The following THADA variants were observed in gnomAD, a reference collection of about 807,000 sequenced individuals.
The protein encoded by THADA is THADA armadillo repeat containing.
Under a neutral mutation model 219.8 loss-of-function variants are expected in THADA, and 213 were observed. The ratio of observed to expected loss-of-function variants is 0.97; its 90% CI spans 0.87 to 1.09. The LOEUF is 1.09. THADA is among the 50% of genes least tolerant of loss of function. THADA has a pLI of 0.00. For synonymous variants in THADA, 1,018 were observed against 828.9 expected, an observed-to-expected ratio of 1.23 and a Z score of -3.92; for missense variants, 2,956 against 2,311.3, an observed-to-expected ratio of 1.28 and a Z score of -5.72.
chr2:43,579,894 G>A (rs1214840912), intron 8 of THADA, among the ~76,000 whole-genome samples: 2 of 152,164 alleles, frequency 1.3e-5, no homozygotes, highest in East Asian at 3.9e-4. Context: ...CTCTGAACTT[G>A]TTATGTGGGA....
intron 1 of THADA, among the ~76,000 whole-genome samples, chr2:43,594,141 C>T (rs1559043997): frequency 6.6e-6 from 1 of 152,162 alleles, no homozygotes. Context: ...CCTAACTGGT[C>T]TCCTGACTTC....
rs1222447019 is a variant in THADA at position 43,560,465 on chromosome 2, T to C, written c.2312-80A>G. Reference sequence around the variant, plus strand: ...TTCTGAAGTTATTTGACCAAATTTATAGAAAATAAGTACCAAAAAACCACA... The same window carrying C: ...TTCTGAAGTTATTTGACCAAATTTACAGAAAATAAGTACCAAAAAACCACA... On this transcript the variant is annotated intron_variant, in intron 15 of 37. Coordinates refer to ENST00000405975, the MANE Select transcript of THADA (RefSeq NM_022065.5). 7.2e-6 allele frequency: 8 copies of C among 1,106,408 alleles called. No homozygotes were observed. The East Asian group carries it at 1.1e-4, about 16-fold the overall frequency. 68.5% of individuals were successfully genotyped at this position (1,106,408 alleles called of 1,614,324 possible). A position where few individuals can be genotyped will look rare whatever the true frequency, so the allele number is the denominator to read the frequency against.
intron 26 of THADA, among the ~76,000 whole-genome samples, chr2:43,467,344 A>G (rs997703640): frequency 6.6e-6 from 1 of 152,196 alleles, no homozygotes; most frequent in African/African-American, 2.4e-5. Flanking sequence ...TGATGTAGCA[A>G]ATAAATAACC....
chr2:43,256,766 A>G (rs928080478), intron 36 of THADA, among the ~76,000 whole-genome samples: 4 of 151,740 alleles, frequency 2.6e-5, no homozygotes, highest in African/African-American at 9.7e-5. Context: ...TTTTGTACAG[A>G]TGAAATCTCA....
intron 22 of THADA, among the ~76,000 whole-genome samples, chr2:43,516,511 T>C (rs567111282): frequency 3.3e-5 from 5 of 152,300 alleles, no homozygotes; most frequent in African/African-American, 1.2e-4. Context: ...CTCCAGGTAT[T>C]TACATCGTGG....
Position 43,383,533 on chromosome 2 carries a change from T to C in THADA, c.4227+14438A>G, listed in dbSNP as rs370465683. Among the ~76,000 whole-genome samples the C allele has an allele frequency of 3.0e-4, 46 of 152,330 alleles. No homozygotes were observed. In the East Asian group the frequency reaches 3.1e-3, roughly 10 times the overall value. Reference sequence around the variant, plus strand: ...GTTAGGTTCAGCTGGTCCAACCATCTAGCTACTAGCTGGGAGCCCCAGTAC... The same window carrying C: ...GTTAGGTTCAGCTGGTCCAACCATCCAGCTACTAGCTGGGAGCCCCAGTAC... On this transcript the variant is annotated intron_variant, in intron 29 of 37. Coordinates refer to ENST00000405975, the MANE Select transcript of THADA (RefSeq NM_022065.5).
chr2:43,347,062 C>T (rs1667703972), intron 29 of THADA, among the ~76,000 whole-genome samples: 1 of 152,140 alleles, frequency 6.6e-6, no homozygotes, highest in Non-Finnish European at 1.5e-5. Context: ...TACTCCTCAT[C>T]CCAGTGGATG....
intron 22 of THADA, among the ~76,000 whole-genome samples, chr2:43,511,741 T>C (rs757766834): frequency 1.3e-5 from 2 of 152,174 alleles, no homozygotes; most frequent in Non-Finnish European, 2.9e-5. Context: ...TTCCTCCAAA[T>C]ACTGCATCTC....
chr2:43,302,703 A>C (rs1676405823), intron 31 of THADA, among the ~76,000 whole-genome samples: 1 of 150,768 alleles, frequency 6.6e-6, no homozygotes, highest in Non-Finnish European at 1.5e-5. Flanking sequence ...TATGCCCCAA[A>C]AGGGAAAAAA....
intron 29 of THADA, 58 bp downstream of exon 29, chr2:43,397,913 G>C (rs1346807890): frequency 3.2e-6 from 5 of 1,582,292 alleles, no homozygotes; most frequent in Non-Finnish European, 4.3e-6. Flanking sequence ...CAGTACATAA[G>C]AAACCAAAGT....
intron 26 of THADA, among the ~76,000 whole-genome samples, chr2:43,481,940 C>A (rs1250529258): frequency 6.6e-6 from 1 of 152,172 alleles, no homozygotes. Flanking sequence ...AAAGTTAATA[C>A]ACACAGGGGC....
chr2:43,588,733 A>G (rs1365404833), intron 4 of THADA, among the ~76,000 whole-genome samples: 3 of 152,136 alleles, frequency 2.0e-5, no homozygotes, highest in Admixed American at 1.3e-4. Context: ...TTCTAATTCA[A>G]TGGGTAGTCT....
At chr2:43,373,329 T>C (rs940194852) in intron 29 of THADA, among the ~76,000 whole-genome samples, 1 of 152,324 alleles carries the variant, frequency 6.6e-6, no homozygotes, top group African/African-American at 2.4e-5. Flanking sequence ...CTGTCAACTT[T>C]AAAAGACTAC....
Position 43,286,172 on chromosome 2 carries a change from GT to G in THADA, c.5164+735del, listed in dbSNP as rs547249714. On this transcript the variant is annotated intron_variant, in intron 35 of 37. Coordinates refer to ENST00000405975, the MANE Select transcript of THADA (RefSeq NM_022065.5). ...ACAAATAGAAGTCAGTCAAGCAGTG[GT>G]TTGTTTAATTTAGAGAACTGTTCCC... is the stretch of plus-strand genomic sequence containing the variant. 3.2e-4 allele frequency among the ~76,000 whole-genome samples: 48 copies of G among 152,302 alleles called. 1 individual carries two copies. The East Asian group carries it at 9.1e-3, about 29-fold the overall frequency.
chr2:43,556,474 A>T lies in THADA; in HGVS notation c.2545T>A (p.Ser849Thr), dbSNP rs374562090. The T allele has an allele frequency of 1.6e-5, 26 of 1,613,810 alleles. No individual in the cohort carries two copies. The African/African-American group carries it at 2.9e-4, about 18-fold the overall frequency. ...CAGATTAAGAAGTTCAGCAGGTAGG[A>T]AGCTGTCACACAGTCGTATGGTTTG... ...STKPYDCVTA[S>T]YLLNFLIWQD... Residue 849 changes from serine (S) to threonine (T), a missense_variant, in exon 17 of 38, where the codon TCC becomes ACC. Ser to Thr is a moderately conservative substitution (Grantham distance 58, BLOSUM62 1). Transcript: ENST00000405975.
At chr2:43,560,110 A>T (rs1697872542) in intron 16 of THADA, 124 bp downstream of exon 16, 1 of 795,714 alleles carries the variant, frequency 1.3e-6, no homozygotes, top group African/African-American at 1.8e-5. Context: ...ATGATAACTG[A>T]AAGAAACAGT....
intron 36 of THADA, among the ~76,000 whole-genome samples, chr2:43,274,984 T>C (rs891139998): frequency 7.2e-6 from 1 of 138,836 alleles, no homozygotes; most frequent in Non-Finnish European, 1.5e-5. Context: ...TTTTCCTTTC[T>C]TTTCTTTTCT....
chr2:43,510,962 C>G (rs1413297667), intron 22 of THADA, among the ~76,000 whole-genome samples: 1 of 150,170 alleles, frequency 6.7e-6, no homozygotes, highest in Non-Finnish European at 1.5e-5. Context: ...CACAGCAAGA[C>G]TCCATCTCAA....
chr2:43,377,967 T>A (rs1049036676), intron 29 of THADA, among the ~76,000 whole-genome samples: 1 of 152,182 alleles, frequency 6.6e-6, no homozygotes, highest in Admixed American at 6.5e-5. Context: ...AACAGATACC[T>A]TGTAGAATGT....
Sources: gnomAD v4.1 joint callset for allele counts (sites outside exome capture counted in the v4.1 genomes callset) on GRCh38, gnomAD v4.1.1 for gene constraint, MANE v1.5 for transcripts, NCBI Gene and HGNC (gene_info 2026-07-23, HGNC 2026-07-21) for gene names.